Variants in NUP205 observed in about 807,000 individuals in gnomAD.
The protein encoded by NUP205 is nucleoporin 205.
Under a neutral mutation model 253.8 loss-of-function variants are expected in NUP205, and 76 were observed. The ratio of observed to expected loss-of-function variants is 0.30; its 90% CI spans 0.25 to 0.36. The LOEUF is 0.36. Among genes scored for constraint, NUP205 ranks in the 10% least tolerant of loss-of-function variants. NUP205 has a pLI of 1.00. For synonymous variants in NUP205, 832 were observed against 850.1 expected, an observed-to-expected ratio of 0.98 and a Z score of 0.37; for missense variants, 2,162 against 2,425.5, an observed-to-expected ratio of 0.89 and a Z score of 2.28.
intron 40 of NUP205, 79 bp downstream of exon 40, chr7:135,645,097 C>T: frequency 1.3e-6 from 2 of 1,521,214 alleles, no homozygotes; most frequent in African/African-American, 1.4e-5. Context: ...ATTATTTGGG[C>T]ACCAAAACCA....
chr7:135,567,142 A>G (rs1438004065), intron 1 of NUP205, among the ~76,000 whole-genome samples: 9 of 53,362 alleles, frequency 1.7e-4, no homozygotes, highest in East Asian at 5.0e-4. Context: ...ATATATATAT[A>G]TATATATATA....
intron 35 of NUP205, 67 bp from the exon 36 acceptor site, chr7:135,635,514 C>T (rs1794792639): frequency 3.3e-6 from 3 of 902,024 alleles, no homozygotes; most frequent in African/African-American, 3.4e-5. Context: ...ATTAGAACCT[C>T]TCTTCCTAGT....
chr7:135,643,722 T>C (rs1047221643), intron 39 of NUP205, among the ~76,000 whole-genome samples: 1 of 152,192 alleles, frequency 6.6e-6, no homozygotes, highest in African/African-American at 2.4e-5. Flanking sequence ...AATATCTGTT[T>C]AGCAAATCTT....
At chr7:135,613,016 G>T (rs992758801) in intron 22 of NUP205, among the ~76,000 whole-genome samples, 1 of 151,892 alleles carries the variant, frequency 6.6e-6, no homozygotes, top group Admixed American at 6.6e-5. Context: ...AGCCCAGGAG[G>T]TTGAGGCTGC....
intron 1 of NUP205, among the ~76,000 whole-genome samples, chr7:135,559,610 A>T (rs1185391550): frequency 6.6e-6 from 1 of 151,498 alleles, no homozygotes; most frequent in Admixed American, 6.6e-5. Flanking sequence ...TCCTCAAGCG[A>T]TCTTTCTGCC....
chr7:135,570,078 G>T (rs1368010078), intron 1 of NUP205, among the ~76,000 whole-genome samples: 2 of 149,836 alleles, frequency 1.3e-5, no homozygotes, highest in Non-Finnish European at 3.0e-5. Flanking sequence ...GAGAGAGAGA[G>T]AGAGAGAGAG....
At chr7:135,645,618 A>G (rs878972804) in intron 41 of NUP205, 22 bp downstream of exon 41, 13 of 1,606,454 alleles carry the variant, frequency 8.1e-6, no homozygotes, top group Non-Finnish European at 1.1e-5. Flanking sequence ...GCTAAAAATT[A>G]ATGAACCATA....
chr7:135,643,176 T>A lies in NUP205; in HGVS notation c.5393-16T>A, dbSNP rs1310389206. 1 of 1,607,016 alleles carries A rather than the reference T, an allele frequency of 6.2e-7. No individual in the cohort carries two copies. The highest frequency in any genetic ancestry group is 8.5e-7 in the Non-Finnish European group (1 of 1,176,076). On this transcript the variant is annotated splice_polypyrimidine_tract_variant and intron_variant, in intron 38 of 42. Coordinates refer to ENST00000285968, the MANE Select transcript of NUP205 (RefSeq NM_015135.3). ...CTTATAAGTGGAACATTGTTTTATG[T>A]CATCACCTCTATTAGATACCCAAGC... is the stretch of plus-strand genomic sequence containing the variant.
At chr7:135,613,436 T>C (rs1332022145) in intron 22 of NUP205, among the ~76,000 whole-genome samples, 2 of 152,052 alleles carry the variant, frequency 1.3e-5, no homozygotes, top group Non-Finnish European at 2.9e-5. Context: ...GCATTTGCTT[T>C]AGTTTTGGTA....
At chr7:135,613,868 A>G (rs1264306257) in intron 22 of NUP205, 1 of 165,368 alleles carries the variant, frequency 6.0e-6, no homozygotes, top group Admixed American at 6.2e-5. Flanking sequence ...AATGTACTAT[A>G]TGTGTATAGT....
chr7:135,619,310 C>A, intron 28 of NUP205, 113 bp from the exon 29 acceptor site: 1 of 1,153,222 alleles, frequency 8.7e-7, no homozygotes, highest in Non-Finnish European at 1.2e-6. Context: ...CTACTGCACT[C>A]CAGCCTCGGT....
intron 17 of NUP205, among the ~76,000 whole-genome samples, chr7:135,601,771 C>G (rs1407689367): frequency 6.6e-6 from 1 of 152,168 alleles, no homozygotes; most frequent in Non-Finnish European, 1.5e-5. Flanking sequence ...ATTTTAACAT[C>G]TTTAACATCC....
At chr7:135,630,008 A>AT (rs1172596136) in intron 34 of NUP205, among the ~76,000 whole-genome samples, 1 of 152,196 alleles carries the variant, frequency 6.6e-6, no homozygotes, top group Non-Finnish European at 1.5e-5. Flanking sequence ...AATAAAGAAA[A>AT]TAGGGGTCAG....
intron 23 of NUP205, among the ~76,000 whole-genome samples, chr7:135,615,677 T>G (rs902717527): frequency 1.3e-5 from 2 of 152,202 alleles, no homozygotes; most frequent in Admixed American, 6.5e-5. Flanking sequence ...CTTGATTCTC[T>G]TTTACTCTTC....
At chr7:135,572,187 C>T (rs1806014703) in intron 2 of NUP205, among the ~76,000 whole-genome samples, 1 of 152,056 alleles carries the variant, frequency 6.6e-6, no homozygotes, top group Admixed American at 6.6e-5. Flanking sequence ...TTCTTAGGAG[C>T]AATGTTATTC....
chr7:135,626,279 T>C lies in NUP205; in HGVS notation c.4711T>C (p.Leu1571=). Residue 1571 remains leucine, a synonymous_variant, in exon 33 of 43, where the codon TTA becomes CTA. Coordinates refer to ENST00000285968, the MANE Select transcript of NUP205 (RefSeq NM_015135.3). ...AGTGGCAAAGATACAGCAGGGTGCA[T>C]TAGAGCTGCTAAGATCAGGGGTGAT... ...TRVAKIQQGA[L]ELLRSGVIVR... The C allele has an allele frequency of 6.2e-7, 1 of 1,614,152 alleles. No homozygotes were observed. Among genetic ancestry groups the C allele is most frequent in the Non-Finnish European group, 8.5e-7 (1 of 1,179,998 alleles).
chr7:135,608,825 G>A (rs115973421), intron 22 of NUP205, among the ~76,000 whole-genome samples: 5,200 of 152,050 alleles, frequency 0.034, 119 homozygotes, highest in Middle Eastern at 0.1. Flanking sequence ...GCTTGGCCGC[G>A]TGCAGTGACT....
chr7:135,604,686 ACACTGCTACTCTGGGTACATGAC>A (rs1490367716), intron 19 of NUP205, among the ~76,000 whole-genome samples: 3 of 152,226 alleles, frequency 2.0e-5, no homozygotes, highest in Admixed American at 6.5e-5. Flanking sequence ...GGTATGTGGC[ACACTGCTACTCTGGGTACATGAC>A]CACTGCTACT....
intron 6 of NUP205, among the ~76,000 whole-genome samples, 177 bp downstream of exon 6, chr7:135,578,201 C>T (rs1335291335): frequency 6.6e-6 from 1 of 152,058 alleles, no homozygotes; most frequent in East Asian, 1.9e-4. Flanking sequence ...AGCTGCAGTC[C>T]TGTTAATTAT....
Sources: allele counts gnomAD v4.1 joint callset (sites outside exome capture counted in the v4.1 genomes callset), GRCh38; gene constraint gnomAD v4.1.1; transcripts MANE v1.5; gene names NCBI Gene and HGNC (gene_info 2026-07-23, HGNC 2026-07-21).